HERPUD2: variants seen among roughly 807,000 people sequenced by gnomAD.
The protein encoded by HERPUD2 is HERPUD family member 2, also known as homocysteine-responsive endoplasmic reticulum-resident ubiquitin-like domain member 2 protein.
Under a neutral mutation model 49.9 loss-of-function variants are expected in HERPUD2, and 13 were observed. The observed-to-expected ratio is 0.26, with a 90% CI of 0.17 to 0.41. The LOEUF is 0.41. Ranked by LOEUF, HERPUD2 falls within the 10% of genes least tolerant of loss-of-function variation. The pLI, the probability that HERPUD2 is intolerant of heterozygous loss-of-function variation, is 1.00. For missense variants in HERPUD2, 449 were observed against 492.2 expected, an observed-to-expected ratio of 0.91 and a Z score of 0.83; for synonymous variants, 172 against 171.4, an observed-to-expected ratio of 1.00 and a Z score of -0.03.
intron 5 of HERPUD2, among the ~76,000 whole-genome samples, chr7:35,664,511 T>C (rs907284341): frequency 3.9e-5 from 6 of 152,232 alleles, no homozygotes; most frequent in African/African-American, 1.4e-4. Context: ...ATTCTCCCCA[T>C]CACTTTCAGG....
chr7:35,661,469 T>C (rs1348917787), intron 5 of HERPUD2, among the ~76,000 whole-genome samples: 1 of 152,220 alleles, frequency 6.6e-6, no homozygotes, highest in East Asian at 1.9e-4. Context: ...TTGGGCAGTA[T>C]GGCCATTTTC....
chr7:35,645,436 T>TA (rs1160647266), intron 5 of HERPUD2, among the ~76,000 whole-genome samples: 1 of 151,876 alleles, frequency 6.6e-6, no homozygotes, highest in African/African-American at 2.4e-5. Flanking sequence ...AAATAAAAAC[T>TA]AAAAAATATA....
chr7:35,675,891 C>G (rs1562683509), intron 2 of HERPUD2, among the ~76,000 whole-genome samples: 1 of 152,190 alleles, frequency 6.6e-6, no homozygotes, highest in African/African-American at 2.4e-5. Flanking sequence ...CCTCCCGCCT[C>G]AGCCTCTGGA....
chr7:35,643,249 C>T (rs1784996336), intron 5 of HERPUD2, among the ~76,000 whole-genome samples: 2 of 152,170 alleles, frequency 1.3e-5, no homozygotes, highest in African/African-American at 4.8e-5. Flanking sequence ...ACTCTCTGAC[C>T]TATCTACTTT....
At chr7:35,675,152 A>G (rs1785733432) in intron 2 of HERPUD2, among the ~76,000 whole-genome samples, 1 of 152,216 alleles carries the variant, frequency 6.6e-6, no homozygotes, top group Non-Finnish European at 1.5e-5. Flanking sequence ...TGTCAGAAGT[A>G]CACTGAATTA....
At position 35,634,298 on chromosome 7, in the gene HERPUD2, C is replaced by G. The variant is rs781444262; in HGVS notation, c.1059+14G>C. The stretch of plus-strand genomic sequence containing the variant: ...TCTCAGTATCTTAAGTATACAAAAG[C>G]TTCAATCACATACCATTTCTTCAAG... On this transcript the variant is annotated intron_variant, in intron 8 of 8. Coordinates refer to ENST00000311350, the MANE Select transcript of HERPUD2 (RefSeq NM_022373.5). 1.3e-6 allele frequency: 2 copies of G among 1,521,134 alleles called. No homozygotes were observed. Among genetic ancestry groups the G allele is most frequent in the South Asian group, 1.1e-5 (1 of 89,192 alleles). 94.2% of individuals were successfully genotyped at this position (1,521,134 alleles called of 1,614,324 possible). A position where few individuals can be genotyped will look rare whatever the true frequency, so the allele number is the denominator to read the frequency against.
chr7:35,656,415 T>G (rs1041079903), intron 5 of HERPUD2, among the ~76,000 whole-genome samples: 1 of 151,822 alleles, frequency 6.6e-6, no homozygotes, highest in Non-Finnish European at 1.5e-5. Flanking sequence ...AAGCAATCTA[T>G]AAATTCAATG....
At chr7:35,663,733 T>C (rs1785479062) in intron 5 of HERPUD2, among the ~76,000 whole-genome samples, 1 of 152,198 alleles carries the variant, frequency 6.6e-6, no homozygotes, top group African/African-American at 2.4e-5. Flanking sequence ...CTGCCTTTTT[T>C]TTGTTTTCCA....
intron 2 of HERPUD2, among the ~76,000 whole-genome samples, chr7:35,674,165 C>T (rs1369358048): frequency 6.6e-6 from 1 of 151,490 alleles, no homozygotes; most frequent in Non-Finnish European, 1.5e-5. Context: ...TTAAAATTAG[C>T]CATAATAGAA....
intron 2 of HERPUD2, among the ~76,000 whole-genome samples, chr7:35,687,932 T>C (rs1786100801): frequency 1.3e-5 from 2 of 152,314 alleles, no homozygotes; most frequent in African/African-American, 4.8e-5. Context: ...ATCATGTTCC[T>C]AGTATATCCA....
intron 4 of HERPUD2, among the ~76,000 whole-genome samples, chr7:35,669,644 T>C (rs1321404458): frequency 1.3e-5 from 2 of 152,228 alleles, no homozygotes; most frequent in South Asian, 4.1e-4. Context: ...TCCAAAACAA[T>C]TTTAGGCAGA....
intron 2 of HERPUD2, among the ~76,000 whole-genome samples, chr7:35,679,916 C>T (rs1224391127): frequency 6.6e-6 from 1 of 152,180 alleles, no homozygotes; most frequent in Non-Finnish European, 1.5e-5. Flanking sequence ...TTTCTTTTGC[C>T]TTGCCTCCCA....
chr7:35,669,238 T>C (rs143832808), intron 4 of HERPUD2, among the ~76,000 whole-genome samples: 52 of 152,336 alleles, frequency 3.4e-4, no homozygotes, highest in African/African-American at 1.2e-3. Flanking sequence ...TTTTATTTAG[T>C]TTAATGTAAG....
Position 35,633,538 on chromosome 7 carries a change from TA to T in HERPUD2, c.*151del. ...AGATATTTAGTAGTCCATTCGTGCT[TA>T]AAATATTCATATGCATGAGAAGCCT... On this transcript the variant is annotated 3_prime_UTR_variant, in exon 9 of 9. Coordinates refer to ENST00000311350, the MANE Select transcript of HERPUD2 (RefSeq NM_022373.5). The T allele has an allele frequency of 1.9e-6, 1 of 537,518 alleles. No individual in the cohort carries two copies. Among genetic ancestry groups the T allele is most frequent in the Non-Finnish European group, 3.2e-6 (1 of 314,242 alleles). The allele number at this position is 537,518 out of a possible 1,614,324, so 33.3% of individuals were successfully genotyped here.
intron 2 of HERPUD2, among the ~76,000 whole-genome samples, chr7:35,685,360 G>A (rs1786014790): frequency 7.4e-6 from 1 of 134,240 alleles, no homozygotes; most frequent in South Asian, 2.3e-4. Context: ...GTCTTGCTCT[G>A]TCACCCAGGC....
chr7:35,665,578 T>C (rs963667747), intron 5 of HERPUD2, among the ~76,000 whole-genome samples: 31 of 152,222 alleles, frequency 2.0e-4, no homozygotes, highest in African/African-American at 4.6e-4. Flanking sequence ...GGTGAGGCGA[T>C]GCCCCGCCCT....
chr7:35,688,927 A>G (rs1786123589), intron 2 of HERPUD2, among the ~76,000 whole-genome samples: 1 of 152,214 alleles, frequency 6.6e-6, no homozygotes, highest in African/African-American at 2.4e-5. Context: ...AGCTAATTAT[A>G]AACCTTACAT....
At chr7:35,693,159 G>A (rs1173840500) in intron 2 of HERPUD2, among the ~76,000 whole-genome samples, 6 of 152,234 alleles carry the variant, frequency 3.9e-5, no homozygotes, top group African/African-American at 1.4e-4. Flanking sequence ...TTTGGGGACA[G>A]ATGGAGCTGT....
chr7:35,670,212 C>A lies in HERPUD2; in HGVS notation c.339+3G>T. On this transcript the variant is annotated splice_donor_region_variant and intron_variant, in intron 4 of 8. Coordinates refer to ENST00000311350, the MANE Select transcript of HERPUD2 (RefSeq NM_022373.5). The stretch of plus-strand genomic sequence containing the variant: ...AATGTTTACTCCTCCCAAAACAACT[C>A]ACAGAATTGCTGCTGGATGCCAATG... The A allele has an allele frequency of 6.8e-7, 1 of 1,477,168 alleles. No homozygotes were observed. Among genetic ancestry groups the A allele is most frequent in the African/African-American group, 1.4e-5 (1 of 70,454 alleles). 91.5% of individuals were successfully genotyped at this position (1,477,168 alleles called of 1,614,324 possible).
Sources: gnomAD v4.1 joint callset for allele counts (sites outside exome capture counted in the v4.1 genomes callset) on GRCh38, gnomAD v4.1.1 for gene constraint, MANE v1.5 for transcripts, NCBI Gene and HGNC (gene_info 2026-07-23, HGNC 2026-07-21) for gene names.